The following EXT2 variants were observed in gnomAD, a reference collection of about 807,000 sequenced individuals.
EXT2 encodes exostosin glycosyltransferase 2, also known as exostosin-2.
A neutral mutation model predicts 81.6 loss-of-function variants in EXT2; 53 were observed. The observed-to-expected ratio is 0.65, with a 90% confidence interval of 0.52 to 0.82. The LOEUF is 0.82. EXT2 is among the 40% of genes least tolerant of loss of function. The pLI is 0.00. For synonymous variants in EXT2, 320 were observed against 340.0 expected (o/e 0.94, Z 0.65); for missense variants, 774 against 910.2 (o/e 0.85, Z 1.93).
At chr11:44,137,381 A>G (rs1590583435) in intron 7 of EXT2, among the ~76,000 whole-genome samples, 1 of 152,196 alleles carries the variant, frequency 6.6e-6, no homozygotes, top group Non-Finnish European at 1.5e-5. Context: ...TTTCCCTGGC[A>G]GCCTTGGTCT....
intron 1 of EXT2, among the ~76,000 whole-genome samples, chr11:44,106,055 C>T (rs1230598982): frequency 6.6e-6 from 1 of 152,120 alleles, no homozygotes; most frequent in Non-Finnish European, 1.5e-5. Context: ...CGGCTGGATT[C>T]GAAGAGTGCA....
intron 7 of EXT2, among the ~76,000 whole-genome samples, chr11:44,152,997 A>G (rs910741422): frequency 2.6e-5 from 4 of 152,166 alleles, no homozygotes; most frequent in Non-Finnish European, 4.4e-5. Flanking sequence ...TGAGTTGCCT[A>G]TTCTGGATCT....
intron 7 of EXT2, among the ~76,000 whole-genome samples, chr11:44,136,071 G>C (rs1359913228): frequency 4.6e-5 from 7 of 152,166 alleles, no homozygotes; most frequent in African/African-American, 1.7e-4. Flanking sequence ...TGTTTAAGAT[G>C]TTTGTTTTTA....
At chr11:44,176,922 TAAA>T (rs35564934) in intron 8 of EXT2, among the ~76,000 whole-genome samples, 14 of 131,848 alleles carry the variant, frequency 1.1e-4, no homozygotes, top group South Asian at 2.5e-4. Flanking sequence ...TAGTTTAATG[TAAA>T]AAAAAAAAAA....
At chr11:44,177,288 CTT>C (rs1955171804) in intron 8 of EXT2, among the ~76,000 whole-genome samples, 1 of 152,228 alleles carries the variant, frequency 6.6e-6, no homozygotes, top group Non-Finnish European at 1.5e-5. Flanking sequence ...TTTTCAGTCT[CTT>C]CATGCTTTTA....
At chr11:44,107,619 C>A (rs770052592) in intron 1 of EXT2, 64 bp from the exon 2 acceptor site, 2 of 1,469,648 alleles carry the variant, frequency 1.4e-6, no homozygotes, top group Non-Finnish European at 1.9e-6. Context: ...GTTGAATAGT[C>A]TTTTCAAGTG....
chr11:44,184,644 G>A (rs927975855), intron 8 of EXT2, among the ~76,000 whole-genome samples: 1 of 152,090 alleles, frequency 6.6e-6, no homozygotes, highest in African/African-American at 2.4e-5. Context: ...CTAGCTACTC[G>A]GGAGGCTGAG....
intron 7 of EXT2, among the ~76,000 whole-genome samples, chr11:44,137,384 C>T (rs748724117): frequency 1.5e-4 from 23 of 152,152 alleles, no homozygotes; most frequent in Non-Finnish European, 3.4e-4. Flanking sequence ...CCCTGGCAGC[C>T]TTGGTCTGTC....
intron 8 of EXT2, among the ~76,000 whole-genome samples, chr11:44,184,827 A>G (rs1229900210): frequency 6.6e-6 from 1 of 152,216 alleles, no homozygotes; most frequent in East Asian, 1.9e-4. Flanking sequence ...GTCACTGATC[A>G]GTTTTTTAAG....
chr11:44,118,767 C>T (rs1749042419), intron 4 of EXT2, among the ~76,000 whole-genome samples: 4 of 152,022 alleles, frequency 2.6e-5, no homozygotes, highest in East Asian at 1.9e-4. Context: ...ACATAAGCCC[C>T]GCTGGTACCC....
chr11:44,098,063 T>C (rs762006849), intron 1 of EXT2, among the ~76,000 whole-genome samples: 54 of 152,354 alleles, frequency 3.5e-4, no homozygotes, highest in Non-Finnish European at 6.6e-4. Context: ...ATAAAGTTTG[T>C]AGGGCTGAAA....
chr11:44,200,145 A>G (rs1955505337), intron 9 of EXT2, among the ~76,000 whole-genome samples: 1 of 151,058 alleles, frequency 6.6e-6, no homozygotes, highest in African/African-American at 2.4e-5. Flanking sequence ...AGTAACATAT[A>G]TATTATAAAA....
Position 44,234,372 on chromosome 11 carries a change from G to A in EXT2, c.1935+129G>A, listed in dbSNP as rs919223850. ...ACTTTAAGCTCTATTTTAGTTTAAGGTTCTATGATTGATGCGGTCACATTG... is the reference window on the plus strand; with the variant it reads ...ACTTTAAGCTCTATTTTAGTTTAAGATTCTATGATTGATGCGGTCACATTG... On this transcript the variant is annotated intron_variant, in intron 12 of 13. Coordinates refer to ENST00000533608, the MANE Select transcript of EXT2 (RefSeq NM_207122.2). 1.2e-5 allele frequency: 11 copies of A among 912,592 alleles called. No homozygotes were observed. The South Asian group carries it at 1.6e-4, about 13-fold the overall frequency. The allele number at this position is 912,592 out of a possible 1,614,324, so 56.5% of individuals were successfully genotyped here.
At chr11:44,096,550 A>G (rs1315910317) in intron 1 of EXT2, among the ~76,000 whole-genome samples, 2 of 148,628 alleles carry the variant, frequency 1.3e-5, no homozygotes, top group Non-Finnish European at 3.0e-5. Flanking sequence ...ACTGCGGACT[A>G]GATTGCTGGT....
chr11:44,251,681 G>A lies in EXT2; in HGVS notation c.*7394G>A, dbSNP rs528288704. Among the ~76,000 whole-genome samples the A allele has an allele frequency of 1.3e-5, 2 of 152,116 alleles. No individual in the cohort carries two copies. The highest frequency in any genetic ancestry group is 2.9e-5 in the Non-Finnish European group (2 of 68,012). On this transcript the variant is annotated 3_prime_UTR_variant, in exon 14 of 14. Transcript: ENST00000533608. The stretch of plus-strand genomic sequence containing the variant: ...AAATTTAATTTACTTCCAGAGAAAG[G>A]ACCAGAAGAAAGTAAATTTTCATTT...
intron 10 of EXT2, among the ~76,000 whole-genome samples, chr11:44,215,064 A>G (rs953599707): frequency 3.3e-5 from 5 of 151,936 alleles, no homozygotes; most frequent in African/African-American, 1.2e-4. Context: ...CCTGGCCTCA[A>G]CTTTTGAGTT....
intron 7 of EXT2, among the ~76,000 whole-genome samples, chr11:44,153,822 C>A (rs1954823904): frequency 6.6e-6 from 1 of 151,882 alleles, no homozygotes; most frequent in African/African-American, 2.4e-5. Flanking sequence ...ATTAATTGAT[C>A]TGTGAAAGCT....
intron 1 of EXT2, among the ~76,000 whole-genome samples, chr11:44,103,467 G>C (rs962205345): frequency 5.3e-5 from 8 of 152,150 alleles, no homozygotes; most frequent in African/African-American, 1.7e-4. Context: ...AAAGGGCCTG[G>C]GATGCCTGAA....
intron 10 of EXT2, among the ~76,000 whole-genome samples, chr11:44,228,572 T>C (rs1955863499): frequency 6.6e-6 from 1 of 152,202 alleles, no homozygotes; most frequent in African/African-American, 2.4e-5. Flanking sequence ...TGCAGAGTTA[T>C]AGATTAAGTG....
Sources: allele counts gnomAD v4.1 joint callset (sites outside exome capture counted in the v4.1 genomes callset), GRCh38; gene constraint gnomAD v4.1.1; transcripts MANE v1.5; gene names NCBI Gene and HGNC (gene_info 2026-07-23, HGNC 2026-07-21).